The following FSTL5 variants were observed in gnomAD, a reference collection of about 807,000 sequenced individuals.
The protein encoded by FSTL5 is follistatin like 5.
A neutral mutation model predicts 89.1 loss-of-function variants in FSTL5; 62 were observed. The observed-to-expected ratio is 0.70, with a 90% CI of 0.57 to 0.86. The LOEUF is 0.86. Ranked by LOEUF, FSTL5 falls within the 40% of genes least tolerant of loss-of-function variation. The pLI, the probability that FSTL5 is intolerant of heterozygous loss-of-function variation, is 0.00. For missense variants in FSTL5, 1,057 were observed against 1,001.6 expected, an observed-to-expected ratio of 1.06 and a Z score of -0.75; for synonymous variants, 383 against 346.2, an observed-to-expected ratio of 1.11 and a Z score of -1.18.
intron 3 of FSTL5, among the ~76,000 whole-genome samples, chr4:161,961,571 A>C (rs944841421): frequency 4.6e-5 from 7 of 151,200 alleles, no homozygotes; most frequent in Non-Finnish European, 7.4e-5. Flanking sequence ...AGATATATAA[A>C]TAATTGAGCT....
chr4:161,570,506 G>T (rs1578933755), intron 8 of FSTL5, among the ~76,000 whole-genome samples: 2 of 152,182 alleles, frequency 1.3e-5, no homozygotes, highest in South Asian at 4.1e-4. Context: ...GTTATTTAGG[G>T]GATTCAAAGT....
At chr4:161,544,805 G>T (rs943557522) in intron 8 of FSTL5, among the ~76,000 whole-genome samples, 5 of 151,840 alleles carry the variant, frequency 3.3e-5, no homozygotes, top group Non-Finnish European at 7.4e-5. Flanking sequence ...ATTTAAATAT[G>T]GTCCCTGTAT....
intron 4 of FSTL5, among the ~76,000 whole-genome samples, chr4:161,904,937 T>A (rs1560909051): frequency 6.6e-6 from 1 of 151,906 alleles, no homozygotes; most frequent in Admixed American, 6.6e-5. Context: ...TGTATATTTT[T>A]AAATGTATAT....
chr4:161,519,437 A>G (rs1303451184), intron 10 of FSTL5, among the ~76,000 whole-genome samples: 2 of 152,078 alleles, frequency 1.3e-5, no homozygotes, highest in Non-Finnish European at 2.9e-5. Context: ...GAGGCAGGAG[A>G]ATGGCCTGAA....
At chr4:161,794,810 AAG>A (rs1484319419) in intron 4 of FSTL5, among the ~76,000 whole-genome samples, 2 of 152,098 alleles carry the variant, frequency 1.3e-5, no homozygotes, top group East Asian at 3.9e-4. Context: ...ATTAAGTTTT[AAG>A]ACATAGTCAC....
chr4:161,830,554 G>A (rs1730812427), intron 4 of FSTL5, among the ~76,000 whole-genome samples: 1 of 147,512 alleles, frequency 6.8e-6, no homozygotes, highest in Non-Finnish European at 1.5e-5. Context: ...TGTGGCCTAG[G>A]AAAGATACTT....
At chr4:161,397,005 C>T (rs1731026323) in intron 15 of FSTL5, among the ~76,000 whole-genome samples, 1 of 152,114 alleles carries the variant, frequency 6.6e-6, no homozygotes, top group African/African-American at 2.4e-5. Flanking sequence ...AGATCAGTTA[C>T]TTATCTTAAG....
intron 3 of FSTL5, among the ~76,000 whole-genome samples, chr4:162,007,480 C>A (rs1296203738): frequency 6.6e-6 from 1 of 151,632 alleles, no homozygotes. Flanking sequence ...ATATAAACAG[C>A]AACTCTTTAC....
intron 2 of FSTL5, among the ~76,000 whole-genome samples, chr4:162,058,428 T>G: frequency 6.9e-6 from 1 of 145,270 alleles, no homozygotes; most frequent in Non-Finnish European, 1.5e-5. Context: ...TTCCTCTTTT[T>G]TTTTTTTTTT....
chr4:161,972,244 A>G (rs1472512251), intron 3 of FSTL5, among the ~76,000 whole-genome samples: 1 of 152,048 alleles, frequency 6.6e-6, no homozygotes, highest in African/African-American at 2.4e-5. Context: ...GGTGTCTGCC[A>G]CCACGCCCAG....
At chr4:161,652,278 T>C (rs1042445131) in intron 7 of FSTL5, among the ~76,000 whole-genome samples, 1 of 151,942 alleles carries the variant, frequency 6.6e-6, no homozygotes, top group Non-Finnish European at 1.5e-5. Context: ...CTACAAAAAA[T>C]TTAAAAAATA....
At chr4:161,543,672 T>C (rs879790750) in intron 8 of FSTL5, among the ~76,000 whole-genome samples, 8 of 152,134 alleles carry the variant, frequency 5.3e-5, no homozygotes, top group African/African-American at 1.2e-4. Flanking sequence ...TCATTTTTTT[T>C]CCCAATTATT....
chr4:161,421,212 G>GCACCTGTAGTC (rs1430436474), intron 15 of FSTL5, among the ~76,000 whole-genome samples: 1 of 151,942 alleles, frequency 6.6e-6, no homozygotes. Context: ...GTGGTGGTGT[G>GCACCTGTAGTC]CACCTGTAGT....
At chr4:161,877,373 T>C (rs1441749624) in intron 4 of FSTL5, among the ~76,000 whole-genome samples, 2 of 150,082 alleles carry the variant, frequency 1.3e-5, no homozygotes, top group African/African-American at 4.9e-5. Context: ...TGTATTTATA[T>C]TTATATTAAA....
At chr4:161,472,280 TTCTTGA>T (rs1560911456) in intron 13 of FSTL5, among the ~76,000 whole-genome samples, 1 of 152,186 alleles carries the variant, frequency 6.6e-6, no homozygotes, top group African/African-American at 2.4e-5. Context: ...CCTGGCCATT[TTCTTGA>T]TCTTTTTAAA....
intron 4 of FSTL5, among the ~76,000 whole-genome samples, chr4:161,855,872 T>C (rs989308171): frequency 7.9e-5 from 12 of 152,078 alleles, no homozygotes; most frequent in African/African-American, 2.7e-4. Context: ...TTGGGCTGAG[T>C]TGGAAAAAAT....
chr4:161,593,538 AAGG>A (rs931414829), intron 7 of FSTL5, among the ~76,000 whole-genome samples: 5 of 151,456 alleles, frequency 3.3e-5, no homozygotes, highest in East Asian at 1.9e-4. Context: ...GGAAGAGGAG[AAGG>A]AGGAGGAGGA....
chr4:161,539,880 A>G (rs1367037301), intron 9 of FSTL5, among the ~76,000 whole-genome samples: 1 of 146,860 alleles, frequency 6.8e-6, no homozygotes, highest in Non-Finnish European at 1.5e-5. Context: ...TATATAAGAT[A>G]CGGCCTCCTC....
At chr4:162,043,950 A>C (rs1738074078) in intron 2 of FSTL5, among the ~76,000 whole-genome samples, 1 of 152,166 alleles carries the variant, frequency 6.6e-6, no homozygotes, top group Non-Finnish European at 1.5e-5. Context: ...CAACATCTGC[A>C]GTTACTTCCT....
Sources: allele counts gnomAD v4.1 joint callset (sites outside exome capture counted in the v4.1 genomes callset), GRCh38; gene constraint gnomAD v4.1.1; transcripts MANE v1.5; gene names NCBI Gene and HGNC (gene_info 2026-07-23, HGNC 2026-07-21).